PLEKHA1: variants seen among roughly 807,000 people sequenced by gnomAD.
PLEKHA1 encodes pleckstrin homology domain-containing family A member 1.
Under a neutral mutation model 52.0 loss-of-function variants are expected in PLEKHA1, and 34 were observed. The observed-to-expected ratio is 0.65, with a 90% confidence interval of 0.50 to 0.87. The LOEUF is 0.87. Ranked by LOEUF, PLEKHA1 falls within the 40% of genes least tolerant of loss-of-function variation. The pLI is 0.00. For synonymous variants in PLEKHA1, 163 were observed against 170.7 expected (o/e 0.95, Z 0.35); for missense variants, 497 against 504.2 (o/e 0.99, Z 0.14).
In PLEKHA1 at chr10:122,397,955, A is replaced by G. The variant is rs1443530411; in HGVS notation, c.179A>G (p.Lys60Arg). 1 of 1,609,294 alleles carries G rather than the reference A, an allele frequency of 6.2e-7. No homozygotes were observed. Among genetic ancestry groups the G allele is most frequent in the East Asian group, 2.2e-5 (1 of 44,742 alleles). ...PSGSSRVGAIKLTYISKVSDA... is the reference protein window; with the variant it reads ...PSGSSRVGAIRLTYISKVSDA... Reference sequence around the variant, plus strand: ...GGATCATCACGTGTTGGAGCCATTAAGCTTACCTACATTTCAAAGGTAGTC... The same window carrying G: ...GGATCATCACGTGTTGGAGCCATTAGGCTTACCTACATTTCAAAGGTAGTC... The change falls in exon 3 of 12, where the codon AAG (lysine) becomes AGG (arginine). Residue 60 changes from lysine (K) to arginine (R), a missense_variant. Coordinates refer to ENST00000368990, the MANE Select transcript of PLEKHA1 (RefSeq NM_001001974.4).
intron 1 of PLEKHA1, among the ~76,000 whole-genome samples, chr10:122,390,336 A>T (rs2096758942): frequency 6.6e-6 from 1 of 152,212 alleles, no homozygotes; most frequent in South Asian, 2.1e-4. Context: ...TCTTGTGTTC[A>T]CTGAAGTAGC....
chr10:122,405,827 G>C (rs1298441178), intron 4 of PLEKHA1, among the ~76,000 whole-genome samples: 10 of 152,042 alleles, frequency 6.6e-5, no homozygotes, highest in Non-Finnish European at 1.2e-4. Flanking sequence ...GCTGGCATAG[G>C]GGGCAGGAAA....
Position 122,431,581 on chromosome 10 carries a change from C to A in PLEKHA1, c.*1643C>A, listed in dbSNP as rs2097417489. The A allele has an allele frequency of 6.6e-6, 1 of 152,576 alleles. No individual in the cohort carries two copies. The highest frequency in any genetic ancestry group is 6.5e-5 in the Admixed American group (1 of 15,276). 9.5% of individuals were successfully genotyped at this position (152,576 alleles called of 1,614,324 possible). On this transcript the variant is annotated 3_prime_UTR_variant, in exon 12 of 12. Coordinates refer to ENST00000368990, the MANE Select transcript of PLEKHA1 (RefSeq NM_001001974.4). ...TTCTCGTTTTCATTTTCTTAGATGA[C>A]TTCTTGTCTGAGACAGAAAAATTTC...
chr10:122,378,260 A>G lies in PLEKHA1; in HGVS notation c.-21+3454A>G, dbSNP rs114181791. Among the ~76,000 whole-genome samples, 362 of 152,282 alleles carry G rather than the reference A, an allele frequency of 2.4e-3. 2 individuals carry two copies. The highest frequency in any genetic ancestry group is 8.3e-3 in the African/African-American group (345 of 41,542). On this transcript the variant is annotated intron_variant, in intron 1 of 11. Transcript: ENST00000368990. ...TTATTAAGGATGAGAATGCTATTGC[A>G]TATGTCATCAGGTTATTCAGCAGTC... is the stretch of plus-strand genomic sequence containing the variant.
At chr10:122,386,704 C>G (rs1338999074) in intron 1 of PLEKHA1, 1 of 152,190 alleles carries the variant, frequency 6.6e-6, no homozygotes, top group Non-Finnish European at 1.5e-5. Flanking sequence ...TGTCCTTTCT[C>G]TACAAAATTG....
At chr10:122,411,287 G>C (rs2097103342) in intron 5 of PLEKHA1, among the ~76,000 whole-genome samples, 1 of 152,322 alleles carries the variant, frequency 6.6e-6, no homozygotes, top group South Asian at 2.1e-4. Context: ...AGGTGGAGAA[G>C]GAAGGGAGAG....
chr10:122,384,568 C>T (rs970728837), intron 1 of PLEKHA1, among the ~76,000 whole-genome samples: 3 of 144,952 alleles, frequency 2.1e-5, no homozygotes, highest in Non-Finnish European at 3.0e-5. Flanking sequence ...GAGATCGTGC[C>T]ACTGCACTCC....
At chr10:122,400,460 C>G in intron 4 of PLEKHA1, 72 bp downstream of exon 4, 1 of 1,350,282 alleles carries the variant, frequency 7.4e-7, no homozygotes, top group Admixed American at 2.3e-5. Context: ...AAAACTGTTG[C>G]AGAAAACCAC....
chr10:122,417,947 A>T lies in PLEKHA1; in HGVS notation c.660A>T (p.Ile220=). 1 of 1,611,636 alleles carries T rather than the reference A, an allele frequency of 6.2e-7. No individual in the cohort carries two copies. Among genetic ancestry groups the T allele is most frequent in the Non-Finnish European group, 8.5e-7 (1 of 1,178,084 alleles). The change falls in exon 8 of 12, where the codon ATA becomes ATT. Residue 220 remains isoleucine (I), a synonymous_variant. Transcript: ENST00000368990. ...RRYFQLDENT[I]GYFKSELEKE... ...ATTTTCAATTGGATGAAAACACAAT[A>T]GGCTACTTCAAATCTGAACTGGTAT...
At chr10:122,399,622 TC>T (rs1403591185) in intron 3 of PLEKHA1, among the ~76,000 whole-genome samples, 1 of 152,088 alleles carries the variant, frequency 6.6e-6, no homozygotes, top group African/African-American at 2.4e-5. Flanking sequence ...TCTCACTGTC[TC>T]CCAGGCTGGA....
At position 122,397,942 on chromosome 10, in the gene PLEKHA1, G is replaced by A. The variant is rs1212356772; in HGVS notation, c.166G>A (p.Val56Ile). Residue 56 changes from valine (V) to isoleucine (I), a missense_variant, in exon 3 of 12, where the codon GTT becomes ATT. Coordinates refer to ENST00000368990, the MANE Select transcript of PLEKHA1 (RefSeq NM_001001974.4). ...GAACCTACCTTCTGGATCATCACGT[G>A]TTGGAGCCATTAAGCTTACCTACAT... The part of the protein sequence containing the change: ...PQNLPSGSSR[V>I]GAIKLTYISK... 3 of 1,608,720 alleles carry A rather than the reference G, an allele frequency of 1.9e-6. No individual in the cohort carries two copies. The highest frequency in any genetic ancestry group is 1.1e-5 in the South Asian group (1 of 90,556).
intron 1 of PLEKHA1, chr10:122,387,070 C>A (rs541485300): frequency 5.3e-5 from 8 of 152,222 alleles, no homozygotes; most frequent in African/African-American, 1.9e-4. Flanking sequence ...TTCTCTCTTT[C>A]ACTTGGTTCA....
chr10:122,415,727 A>G (rs2097164931), intron 6 of PLEKHA1, 132 bp from the exon 7 acceptor site: 2 of 850,734 alleles, frequency 2.4e-6, no homozygotes, highest in Non-Finnish European at 1.7e-6. Flanking sequence ...ATCTCAGATT[A>G]ATTAGAAAAC....
intron 10 of PLEKHA1, among the ~76,000 whole-genome samples, chr10:122,426,040 A>G (rs1420592646): frequency 6.6e-6 from 1 of 152,108 alleles, no homozygotes; most frequent in Admixed American, 6.5e-5. Flanking sequence ...CCACCAGTAA[A>G]TTGTGTCTGT....
chr10:122,394,810 A>G (rs1486121158), intron 2 of PLEKHA1, among the ~76,000 whole-genome samples: 3 of 152,156 alleles, frequency 2.0e-5, no homozygotes, highest in Admixed American at 6.5e-5. Context: ...TGACATATGT[A>G]TGGTTTCTCC....
At chr10:122,391,071 G>A (rs1011116859) in intron 1 of PLEKHA1, among the ~76,000 whole-genome samples, 4 of 151,688 alleles carry the variant, frequency 2.6e-5, no homozygotes, top group Non-Finnish European at 4.4e-5. Context: ...CAAAGTTCTC[G>A]TTGACCATTT....
At chr10:122,375,025 C>G (rs1203670570) in intron 1 of PLEKHA1, 1 of 152,000 alleles carries the variant, frequency 6.6e-6, no homozygotes, top group East Asian at 1.9e-4. Flanking sequence ...ACCTGGAGGC[C>G]GCCGGGCCGG....
intron 8 of PLEKHA1, chr10:122,418,625 GA>G (rs1454394628): frequency 6.6e-6 from 1 of 152,028 alleles, no homozygotes; most frequent in East Asian, 1.9e-4. Context: ...ATTTCACATT[GA>G]CTCATAAATC....
At chr10:122,425,969 T>C (rs568509697) in intron 10 of PLEKHA1, among the ~76,000 whole-genome samples, 6 of 152,272 alleles carry the variant, frequency 3.9e-5, no homozygotes, top group African/African-American at 1.2e-4. Flanking sequence ...GTTATTTTTT[T>C]CCCATGTCAT....
Sources: allele counts gnomAD v4.1 joint callset (sites outside exome capture counted in the v4.1 genomes callset), GRCh38; gene constraint gnomAD v4.1.1; transcripts MANE v1.5; gene names NCBI Gene and HGNC (gene_info 2026-07-23, HGNC 2026-07-21).